Variants in TMCO5A observed in about 807,000 individuals in gnomAD.
TMCO5A encodes transmembrane and coiled-coil domains 5A, also known as transmembrane and coiled-coil domain-containing protein 5A.
Under a neutral mutation model 42.3 loss-of-function variants are expected in TMCO5A, and 34 were observed. The ratio of observed to expected loss-of-function variants is 0.80; its 90% CI spans 0.61 to 1.07. TMCO5A has a LOEUF of 1.07. TMCO5A is among the 50% of genes least tolerant of loss of function. The pLI, the probability that TMCO5A is intolerant of heterozygous loss-of-function variation, is 0.00. For synonymous variants in TMCO5A, 131 were observed against 115.6 expected (o/e 1.13, Z -0.86); for missense variants, 357 against 327.9 (o/e 1.09, Z -0.69).
the TMCO5A span, among the ~76,000 whole-genome samples, chr15:38,025,234 A>G: frequency 6.6e-6 from 1 of 151,822 alleles, no homozygotes; most frequent in Non-Finnish European, 1.5e-5. Flanking sequence ...GTGGAAGCAG[A>G]AAATGTATTG....
the TMCO5A span, among the ~76,000 whole-genome samples, chr15:38,006,669 C>G: frequency 6.6e-6 from 1 of 152,150 alleles, no homozygotes; most frequent in African/African-American, 2.4e-5. Flanking sequence ...AGCAGCACTG[C>G]ATAAAATAAA....
At chr15:37,941,047 C>A in intron 6 of TMCO5A, 102 bp from the exon 7 acceptor site, 1 of 1,031,910 alleles carries the variant, frequency 9.7e-7, no homozygotes, top group Non-Finnish European at 1.5e-6. Flanking sequence ...GAAGTCATGG[C>A]CCTGAGGCTC....
At chr15:38,013,963 CCTT>C in the TMCO5A span, among the ~76,000 whole-genome samples, 1 of 152,110 alleles carries the variant, frequency 6.6e-6, no homozygotes. Context: ...GCTCATGACT[CCTT>C]CTTTCATCTC....
chr15:37,954,178 C>A (rs992206343), downstream of TMCO5A, among the ~76,000 whole-genome samples: 1 of 151,942 alleles, frequency 6.6e-6, no homozygotes, highest in African/African-American at 2.4e-5. Flanking sequence ...ACTTCCCAAA[C>A]TTAGAGAAAA....
the TMCO5A span, among the ~76,000 whole-genome samples, chr15:38,018,050 A>C: frequency 6.6e-6 from 1 of 152,152 alleles, no homozygotes; most frequent in East Asian, 1.9e-4. Context: ...CAGAACTATA[A>C]GTCAAACCTC....
chr15:37,967,249 C>A (rs1177841133), exon 12 of TMCO5A: 1 of 152,428 alleles, frequency 6.6e-6, no homozygotes, highest in Non-Finnish European at 1.5e-5. Context: ...CATTCACATG[C>A]CTTACTAATA....
At chr15:37,978,292 C>A in the TMCO5A span, among the ~76,000 whole-genome samples, 1 of 152,164 alleles carries the variant, frequency 6.6e-6, no homozygotes. Context: ...TTGTTCCTTC[C>A]CCAGTCCAAG....
At chr15:38,008,084 AT>A in the TMCO5A span, among the ~76,000 whole-genome samples, 1 of 151,290 alleles carries the variant, frequency 6.6e-6, no homozygotes, top group African/African-American at 2.4e-5. Context: ...TTTAGTAGAG[AT>A]GGGGTTTCAC....
chr15:37,989,019 T>TG, the TMCO5A span, among the ~76,000 whole-genome samples: 3 of 152,016 alleles, frequency 2.0e-5, no homozygotes, highest in Non-Finnish European at 4.4e-5. Context: ...TTCTTACTAC[T>TG]TATAGGTATA....
At chr15:37,983,225 A>G in the TMCO5A span, among the ~76,000 whole-genome samples, 1 of 152,148 alleles carries the variant, frequency 6.6e-6, no homozygotes, top group East Asian at 1.9e-4. Context: ...GGCACTTACG[A>G]TGTGCTAGGC....
chr15:37,987,841 C>G, the TMCO5A span, among the ~76,000 whole-genome samples: 3 of 151,738 alleles, frequency 2.0e-5, no homozygotes, highest in Middle Eastern at 3.4e-3. Flanking sequence ...AGCTATTTAT[C>G]GTCTCTTAAG....
chr15:37,955,254 G>GAA (rs1890256289), downstream of TMCO5A, among the ~76,000 whole-genome samples: 2 of 32,294 alleles, frequency 6.2e-5, no homozygotes, highest in African/African-American at 2.0e-4. Context: ...GATTTAAAGA[G>GAA]TAAAAAAAAA....
the TMCO5A span, chr15:38,025,011 G>A: frequency 1.4e-4 from 21 of 152,306 alleles, no homozygotes; most frequent in Admixed American, 1.4e-3. Flanking sequence ...AATGTCTGTT[G>A]TTCATAAGCC....
chr15:38,012,403 A>G, the TMCO5A span, among the ~76,000 whole-genome samples: 1 of 152,118 alleles, frequency 6.6e-6, no homozygotes, highest in African/African-American at 2.4e-5. Context: ...AATATCTTCA[A>G]TTTATCTCAT....
chr15:38,017,458 G>A, the TMCO5A span, among the ~76,000 whole-genome samples: 1 of 152,120 alleles, frequency 6.6e-6, no homozygotes, highest in Non-Finnish European at 1.5e-5. Context: ...ATGGTAACCT[G>A]CCTGCCGGAG....
chr15:37,975,629 C>A, the TMCO5A span, among the ~76,000 whole-genome samples: 1 of 151,070 alleles, frequency 6.6e-6, no homozygotes, highest in Non-Finnish European at 1.5e-5. Context: ...CTATGGGTGT[C>A]ATTACATGTC....
chr15:38,029,367 C>CCACACACACACACA, the TMCO5A span, among the ~76,000 whole-genome samples: 3 of 148,060 alleles, frequency 2.0e-5, no homozygotes, highest in African/African-American at 7.5e-5. Flanking sequence ...CATGAATACA[C>CCACACACACACACA]CACACACACA....
intron 11 of TMCO5A, among the ~76,000 whole-genome samples, chr15:37,965,770 A>T (rs1298227299): frequency 6.6e-6 from 1 of 152,182 alleles, no homozygotes; most frequent in Admixed American, 6.5e-5. Flanking sequence ...ACTGGCAAAG[A>T]TATAGAGAAA....
chr15:37,968,174 C>T (rs1042070327), downstream of TMCO5A, among the ~76,000 whole-genome samples: 1 of 152,082 alleles, frequency 6.6e-6, no homozygotes, highest in Non-Finnish European at 1.5e-5. Flanking sequence ...CTTCTTCTTC[C>T]ATTCAAATAC....
Sources: allele counts gnomAD v4.1 joint callset (sites outside exome capture counted in the v4.1 genomes callset), GRCh38; gene constraint gnomAD v4.1.1; transcripts MANE v1.5; gene names NCBI Gene and HGNC (gene_info 2026-07-23, HGNC 2026-07-21).